Variants in PRKG1 observed in about 807,000 individuals in gnomAD.
PRKG1 encodes the protein protein kinase cGMP-dependent 1.
In PRKG1, 35 loss-of-function variants were observed where a neutral mutation model predicts 88.1. The observed-to-expected ratio is 0.40, with a 90% confidence interval of 0.30 to 0.53. The LOEUF is 0.53. Ranked by LOEUF, PRKG1 falls within the 20% of genes least tolerant of loss-of-function variation. PRKG1 has a pLI of 0.59. For synonymous variants in PRKG1, 303 were observed against 292.5 expected (o/e 1.04, Z -0.37); for missense variants, 540 against 839.8 (o/e 0.64, Z 4.41).
At chr10:51,667,374 CG>C (rs1840447958) in intron 3 of PRKG1, among the ~76,000 whole-genome samples, 1 of 152,066 alleles carries the variant, frequency 6.6e-6, no homozygotes, top group Non-Finnish European at 1.5e-5. Flanking sequence ...TTTTTAGATA[CG>C]TACAGCCTTC....
intron 9 of PRKG1, among the ~76,000 whole-genome samples, chr10:52,176,269 G>T (rs1838865777): frequency 6.7e-6 from 1 of 150,060 alleles, no homozygotes; most frequent in Non-Finnish European, 1.5e-5. Flanking sequence ...TTATTGAAGG[G>T]ACTGTTCTTT....
chr10:51,835,164 C>T (rs1840102130), intron 4 of PRKG1, among the ~76,000 whole-genome samples: 1 of 152,282 alleles, frequency 6.6e-6, no homozygotes, highest in African/African-American at 2.4e-5. Context: ...ACAGAAGCTT[C>T]TGTCCCCAGA....
At chr10:51,422,383 G>A (rs770581414) in intron 2 of PRKG1, among the ~76,000 whole-genome samples, 10 of 152,170 alleles carry the variant, frequency 6.6e-5, no homozygotes, top group Non-Finnish European at 1.3e-4. Flanking sequence ...GTAGTACAGA[G>A]GGGAGAAAAG....
At chr10:52,112,978 A>C (rs1490321148) in intron 7 of PRKG1, among the ~76,000 whole-genome samples, 1 of 152,186 alleles carries the variant, frequency 6.6e-6, no homozygotes, top group Non-Finnish European at 1.5e-5. Context: ...CTGAATTTGC[A>C]TCCATGCTGT....
At position 52,072,158 on chromosome 10, in the gene PRKG1, C is replaced by CTTTTTTTTTTTTTTTTTTTTTTTTTTTT. The variant is rs60576406; in HGVS notation, c.935+9553_935+9554insTTTTTTTTTTTTTTTTTTTTTTTTTTTT. Among the ~76,000 whole-genome samples, 58 of 39,564 alleles carry CTTTTTTTTTTTTTTTTTTTTTTTTTTTT rather than the reference C, an allele frequency of 1.5e-3. 1 individual carries two copies. The highest frequency in any genetic ancestry group is 1.7e-3 in the South Asian group (1 of 590). The allele number at this position is 39,564 out of a possible 152,430, so 26.0% of individuals were successfully genotyped here. On this transcript the variant is annotated intron_variant, in intron 7 of 17. Transcript: ENST00000373980. The stretch of plus-strand genomic sequence containing the variant: ...GAGACTCTCAGGGTTTATTGTTTTG[C>CTTTTTTTTTTTTTTTTTTTTTTTTTTTT]TTTTTTTTTTTTTTTTTTTTTTTTT...
At chr10:51,149,150 A>G (rs1051191603) in intron 1 of PRKG1, among the ~76,000 whole-genome samples, 3 of 152,124 alleles carry the variant, frequency 2.0e-5, no homozygotes, top group African/African-American at 7.2e-5. Context: ...CATCACTGCA[A>G]TAGAGAAGAC....
chr10:51,913,053 C>G, intron 5 of PRKG1, among the ~76,000 whole-genome samples: 1 of 152,016 alleles, frequency 6.6e-6, no homozygotes, highest in East Asian at 1.9e-4. Context: ...CTCAGTCTCC[C>G]GAGTAGCTGG....
At chr10:51,627,315 G>C (rs531646305) in intron 3 of PRKG1, among the ~76,000 whole-genome samples, 1 of 152,166 alleles carries the variant, frequency 6.6e-6, no homozygotes, top group Admixed American at 6.5e-5. Context: ...GAAAGCTTGG[G>C]CAGGTTGTGT....
At position 51,396,823 on chromosome 10, in the gene PRKG1, T is replaced by C. The variant is rs925123706; in HGVS notation, c.479-70900T>C. On this transcript the variant is annotated intron_variant, in intron 2 of 17. Coordinates refer to ENST00000373980, the MANE Select transcript of PRKG1 (RefSeq NM_006258.4). The stretch of plus-strand genomic sequence containing the variant: ...AGAAGTAGTTTGATTCCAGAGGGTA[T>C]GTAGTAGGGCGGGTACTGGGGTGAA... Among the ~76,000 whole-genome samples the C allele has an allele frequency of 4.6e-5, 7 of 152,362 alleles. No homozygotes were observed. In the East Asian group the frequency reaches 1.3e-3, roughly 29 times the overall value.
At chr10:51,522,768 T>A (rs1030606431) in intron 3 of PRKG1, among the ~76,000 whole-genome samples, 1 of 152,176 alleles carries the variant, frequency 6.6e-6, no homozygotes, top group South Asian at 2.1e-4. Context: ...TGCTTTTTTT[T>A]AAAGAATATT....
intron 3 of PRKG1, among the ~76,000 whole-genome samples, chr10:51,707,990 A>G (rs910182329): frequency 6.6e-6 from 1 of 152,224 alleles, no homozygotes; most frequent in African/African-American, 2.4e-5. Flanking sequence ...ACCAATTCCA[A>G]CCAAGGTAAG....
chr10:52,026,124 G>T (rs1210378315), intron 5 of PRKG1, among the ~76,000 whole-genome samples: 2 of 151,890 alleles, frequency 1.3e-5, no homozygotes, highest in Non-Finnish European at 2.9e-5. Flanking sequence ...TATACAGAAA[G>T]CTAAAAGAGG....
At chr10:51,423,276 A>G (rs1838470139) in intron 2 of PRKG1, among the ~76,000 whole-genome samples, 1 of 152,204 alleles carries the variant, frequency 6.6e-6, no homozygotes, top group African/African-American at 2.4e-5. Flanking sequence ...TTCTCTTAAT[A>G]ATGACTTCGA....
chr10:51,712,975 G>GTTTT (rs10593003), intron 3 of PRKG1, among the ~76,000 whole-genome samples: 18 of 149,552 alleles, frequency 1.2e-4, no homozygotes, highest in African/African-American at 4.2e-4. Flanking sequence ...CTCTATGAGG[G>GTTTT]TTTTTTTTTT....
At chr10:51,507,788 C>T (rs1841268819) in intron 3 of PRKG1, among the ~76,000 whole-genome samples, 1 of 152,116 alleles carries the variant, frequency 6.6e-6, no homozygotes, top group South Asian at 2.1e-4. Flanking sequence ...GGCTAGAGCT[C>T]TTTCAATTAC....
Position 51,074,743 on chromosome 10 carries a change from G to C in PRKG1, c.153G>C (p.Ser51=), listed in dbSNP as rs1400601775. 6 of 1,614,020 alleles carry C rather than the reference G, an allele frequency of 3.7e-6. No individual in the cohort carries two copies. The highest frequency in any genetic ancestry group is 5.1e-6 in the Non-Finnish European group (6 of 1,179,946). The change falls in exon 1 of 18, where the codon TCG becomes TCC. Residue 51 remains serine (S), a synonymous_variant. Coordinates refer to ENST00000373980, the MANE Select transcript of PRKG1 (RefSeq NM_006258.4). ...KLQNELDKYR[S]VIRPATQQAQ... is the part of the protein sequence containing the mutation. Reference sequence around the variant, plus strand: ...AGAACGAGCTGGACAAGTACCGCTCGGTGATCCGACCAGCCACCCAGCAGG... The same window carrying C: ...AGAACGAGCTGGACAAGTACCGCTCCGTGATCCGACCAGCCACCCAGCAGG...
At chr10:51,035,071 G>T (rs928854128) in intron 1 of PRKG1, among the ~76,000 whole-genome samples, 1 of 151,942 alleles carries the variant, frequency 6.6e-6, no homozygotes, top group Non-Finnish European at 1.5e-5. Flanking sequence ...TGATGGTAAC[G>T]GTCGTAAAAG....
chr10:51,408,615 T>C (rs1363717906), intron 2 of PRKG1, among the ~76,000 whole-genome samples: 1 of 152,084 alleles, frequency 6.6e-6, no homozygotes, highest in Non-Finnish European at 1.5e-5. Flanking sequence ...CCATATCGAG[T>C]GCTCAGTGTT....
chr10:52,102,807 C>A (rs907648082), intron 7 of PRKG1, among the ~76,000 whole-genome samples: 9 of 151,960 alleles, frequency 5.9e-5, no homozygotes, highest in African/African-American at 2.2e-4. Flanking sequence ...TTTCCACTTA[C>A]TAAAGACTGC....
Sources: allele counts gnomAD v4.1 joint callset (sites outside exome capture counted in the v4.1 genomes callset), GRCh38; gene constraint gnomAD v4.1.1; transcripts MANE v1.5; gene names NCBI Gene and HGNC (gene_info 2026-07-23, HGNC 2026-07-21).